MAK: variants seen among roughly 807,000 people sequenced by gnomAD.
The protein encoded by MAK is serine/threonine-protein kinase MAK.
A neutral mutation model predicts 82.6 loss-of-function variants in MAK; 65 were observed. That is an observed-to-expected ratio of 0.79 (90% CI 0.64 to 0.97). The LOEUF is 0.97. Ranked by LOEUF, MAK falls within the 50% of genes least tolerant of loss-of-function variation. The pLI is 0.00. For synonymous variants in MAK, 250 were observed against 274.2 expected, an observed-to-expected ratio of 0.91 and a Z score of 0.87; for missense variants, 703 against 780.2, an observed-to-expected ratio of 0.90 and a Z score of 1.18.
At chr6:10,778,231 T>C (rs928894378) in intron 11 of MAK, among the ~76,000 whole-genome samples, 8 of 152,188 alleles carry the variant, frequency 5.3e-5, no homozygotes, top group African/African-American at 1.9e-4. Context: ...CAGTTTCTAC[T>C]CTTTGGCTCT....
At chr6:10,783,191 A>G (rs890333944) in intron 11 of MAK, among the ~76,000 whole-genome samples, 1 of 152,202 alleles carries the variant, frequency 6.6e-6, no homozygotes, top group African/African-American at 2.4e-5. Context: ...ATCTGTGTAG[A>G]TACAGGACGA....
At chr6:10,770,672 G>T (rs912155788) in intron 13 of MAK, among the ~76,000 whole-genome samples, 1 of 152,224 alleles carries the variant, frequency 6.6e-6, no homozygotes, top group African/African-American at 2.4e-5. Flanking sequence ...TAGGGTTGTT[G>T]TAGGGATTGA....
intron 2 of MAK, among the ~76,000 whole-genome samples, chr6:10,828,338 G>T (rs1271676462): frequency 6.6e-6 from 1 of 152,090 alleles, no homozygotes; most frequent in South Asian, 2.1e-4. Flanking sequence ...ACAACCCTCT[G>T]GAAAGGCCCA....
rs1776190593 is a variant in MAK at position 10,803,710 on chromosome 6, G to C, written c.663+10C>G. On this transcript the variant is annotated intron_variant, in intron 7 of 14. Transcript: ENST00000354489. Reference sequence around the variant, plus strand: ...AAAAGTTATAGCAACTTAGGGACAAGAGTACTTACTTTTTTGGGAGTCCCT... The same window carrying C: ...AAAAGTTATAGCAACTTAGGGACAACAGTACTTACTTTTTTGGGAGTCCCT... 2 of 1,609,188 alleles carry C rather than the reference G, an allele frequency of 1.2e-6. No individual in the cohort carries two copies. The highest frequency in any genetic ancestry group is 4.5e-5 in the East Asian group (2 of 44,862).
chr6:10,837,503 C>T (rs1355791985), intron 1 of MAK, among the ~76,000 whole-genome samples: 1 of 152,180 alleles, frequency 6.6e-6, no homozygotes, highest in Non-Finnish European at 1.5e-5. Context: ...ATTGAAGGGC[C>T]GGGGAGGCGG....
chr6:10,769,643 T>C (rs1661752563), intron 14 of MAK, among the ~76,000 whole-genome samples: 1 of 152,228 alleles, frequency 6.6e-6, no homozygotes, highest in African/African-American at 2.4e-5. Flanking sequence ...GCTTTCACCC[T>C]GTGCCAGGTC....
chr6:10,804,674 A>G (rs1414448521), intron 6 of MAK, among the ~76,000 whole-genome samples: 1 of 152,162 alleles, frequency 6.6e-6, no homozygotes. Flanking sequence ...AAAATACTCA[A>G]TTTACAAGAG....
rs571185221 is a variant in MAK, at chr6:10,792,311, G to A, written c.1144-464C>T. On this transcript the variant is annotated intron_variant, in intron 9 of 14. Coordinates refer to ENST00000354489, the MANE Select transcript of MAK (RefSeq NM_001242957.3). ...CCAAAGGAACACCAGTCATCCTGTG[G>A]CCACAGGAATGAAAGCCACCTGCTC... 8.9e-4 allele frequency among the ~76,000 whole-genome samples: 135 copies of A among 152,180 alleles called. 1 individual carries two copies. Among genetic ancestry groups the A allele is most frequent in the Admixed American group, 2.0e-4 (3 of 15,284 alleles).
chr6:10,805,376 A>C lies in MAK; in HGVS notation c.492-1485T>G, dbSNP rs1172772245. ...ACCAAGGCGGGTGAATCATGAGGTC[A>C]GGAGTTCGAGACCGGCCTGGCCAAC... On this transcript the variant is annotated intron_variant, in intron 6 of 14. Transcript: ENST00000354489. Among the ~76,000 whole-genome samples, 4 of 152,090 alleles carry C rather than the reference A, an allele frequency of 2.6e-5. No individual in the cohort carries two copies. The East Asian group carries it at 7.7e-4, about 29-fold the overall frequency.
At chr6:10,821,586 A>G (rs538150456) in intron 2 of MAK, among the ~76,000 whole-genome samples, 2 of 152,266 alleles carry the variant, frequency 1.3e-5, no homozygotes, top group South Asian at 2.1e-4. Flanking sequence ...TAGAATTTTA[A>G]AAGTATCCAA....
chr6:10,796,130 T>C lies in MAK; in HGVS notation c.1011A>G (p.Pro337=), dbSNP rs775374397. 3 of 1,614,164 alleles carry C rather than the reference T, an allele frequency of 1.9e-6. No homozygotes were observed. Among genetic ancestry groups the C allele is most frequent in the Non-Finnish European group, 2.5e-6 (3 of 1,180,028 alleles). ...IIDQVVGQPQ[P]KTSQQPLQPI... ...GCTGCAGTGGCTGCTGGCTAGTTTTTGGCTGGGGTTGTCCAACAACCTGAT... is the reference window on the plus strand; with the variant it reads ...GCTGCAGTGGCTGCTGGCTAGTTTTCGGCTGGGGTTGTCCAACAACCTGAT... The change falls in exon 9 of 15, where the codon CCA becomes CCG. Residue 337 remains proline, a synonymous_variant. Coordinates refer to ENST00000354489, the MANE Select transcript of MAK (RefSeq NM_001242957.3).
At chr6:10,775,489 G>A (rs1773387767) in intron 11 of MAK, 30 bp from the exon 12 acceptor site, 1 of 1,607,730 alleles carries the variant, frequency 6.2e-7, no homozygotes, top group Non-Finnish European at 8.5e-7. Flanking sequence ...CACTTCAAAG[G>A]TTAGAGCAGA....
chr6:10,784,463 A>G lies in MAK; in HGVS notation c.1426T>C (p.Ser476Pro). 3.1e-6 allele frequency: 5 copies of G among 1,614,176 alleles called. No homozygotes were observed. Among genetic ancestry groups the G allele is most frequent in the South Asian group, 1.1e-5 (1 of 91,088 alleles). ...GATTGTTTCAAGTAGTACTGTTTAG[A>G]GGTTGGAGCAGTTGACAATTCGGAA... ...SDSELSTAPT[S>P]KQYYLKQSRY... Residue 476 changes from serine (S) to proline (P), a missense_variant, in exon 11 of 15, where the codon TCT (serine) becomes CCT (proline). By Grantham distance (74) the Ser-to-Pro change is moderately conservative. Transcript: ENST00000354489.
rs779514800 is a variant in MAK at position 10,802,005 on chromosome 6, G to A, written c.718C>T (p.Gln240Ter). The A allele has an allele frequency of 1.9e-6, 3 of 1,614,058 alleles. No homozygotes were observed. The highest frequency in any genetic ancestry group is 2.5e-6 in the Non-Finnish European group (3 of 1,179,972). ...GTTTTTAAGTTTATAGGAACACACT[G>A]GGGAAAACGGAAGTTCATAGAGGAT... Reference protein sequence around the residue: ...LASSMNFRFPQCVPINLKTLI... With the variant: ...LASSMNFRFP Residue 240 changes from glutamine to a stop codon, truncating the protein, a stop_gained, in exon 8 of 15, where the codon CAG becomes TAG. Coordinates refer to ENST00000354489, the MANE Select transcript of MAK (RefSeq NM_001242957.3). LOFTEE classifies it high-confidence loss of function.
Position 10,791,573 on chromosome 6 carries a change from G to C in MAK, c.1316+102C>G, listed in dbSNP as rs543528399. ...TGAGCCACTACACCTGGCCTGTTAA[G>C]CAAACTTTTCTTCTTTTAGGGTCTA... On this transcript the variant is annotated intron_variant, in intron 10 of 14. Coordinates refer to ENST00000354489, the MANE Select transcript of MAK (RefSeq NM_001242957.3). 5.0e-5 allele frequency: 57 copies of C among 1,149,776 alleles called. No homozygotes were observed. In the African/African-American group the frequency reaches 7.4e-4, roughly 15 times the overall value. The allele number at this position is 1,149,776 out of a possible 1,614,324, so 71.2% of individuals were successfully genotyped here.
chr6:10,777,102 T>A (rs1319996496), intron 11 of MAK, among the ~76,000 whole-genome samples: 2 of 150,408 alleles, frequency 1.3e-5, no homozygotes. Context: ...TTGGTGGCAA[T>A]TACTCATATT....
Position 10,801,981 on chromosome 6 carries a change from T to G in MAK, c.742A>C (p.Thr248Pro). The change falls in exon 8 of 15, where the codon ACT (threonine) becomes CCT (proline). Residue 248 changes from threonine to proline, a missense_variant. Physicochemically the swap from Thr to Pro is conservative, Grantham distance 38. Transcript: ENST00000354489. Reference protein sequence around the residue: ...FPQCVPINLKTLIPNASNEAI... With the variant: ...FPQCVPINLKPLIPNASNEAI... ...TCATTACTGGCATTGGGAATAAGAGTTTTTAAGTTTATAGGAACACACTGG... is the reference window on the plus strand; with the variant it reads ...TCATTACTGGCATTGGGAATAAGAGGTTTTAAGTTTATAGGAACACACTGG... 6.2e-7 allele frequency: 1 copy of G among 1,613,660 alleles called. No homozygotes were observed. The highest frequency in any genetic ancestry group is 8.5e-7 in the Non-Finnish European group (1 of 1,179,934).
At chr6:10,811,933 C>T (rs1330439714) in intron 5 of MAK, among the ~76,000 whole-genome samples, 1 of 152,166 alleles carries the variant, frequency 6.6e-6, no homozygotes, top group East Asian at 1.9e-4. Context: ...GGTGTGATGG[C>T]TCCTGCCTGT....
intron 4 of MAK, among the ~76,000 whole-genome samples, chr6:10,816,699 C>A (rs1581746851): frequency 6.6e-6 from 1 of 152,060 alleles, no homozygotes; most frequent in East Asian, 1.9e-4. Flanking sequence ...TAATTATCAC[C>A]TTTAATGGTA....
Sources: gnomAD v4.1 joint callset for allele counts (sites outside exome capture counted in the v4.1 genomes callset) on GRCh38, gnomAD v4.1.1 for gene constraint, MANE v1.5 for transcripts, NCBI Gene and HGNC (gene_info 2026-07-23, HGNC 2026-07-21) for gene names.